The following IDH1 variants were observed in gnomAD, a reference collection of about 807,000 sequenced individuals.
IDH1 encodes isocitrate dehydrogenase [NADP] cytoplasmic.
In IDH1, 33 loss-of-function variants were observed where a neutral mutation model predicts 46.1. The observed-to-expected ratio is 0.72, with a 90% confidence interval of 0.54 to 0.96. IDH1 has a LOEUF of 0.96. Among genes scored for constraint, IDH1 ranks in the 40% least tolerant of loss-of-function variants. The probability of loss-of-function intolerance (pLI) is 0.00; values close to 1 mark genes in which losing one functional copy is unlikely to be tolerated. For missense variants in IDH1, 421 were observed against 515.7 expected (o/e 0.82, Z 1.78); for synonymous variants, 144 against 172.8 (o/e 0.83, Z 1.31).
Position 208,242,053 on chromosome 2 carries a change from C to G in IDH1, c.791G>C (p.Gly264Ala), listed in dbSNP as rs776041038. ...ATAGTTTTTACAGGCCCAGATGAAG[C>G]CTCCCTCTGATTTCATAGCTTGGGC... is the stretch of plus-strand genomic sequence containing the variant. ...MVAQAMKSEG[G>A]FIWACKNYDG... The change falls in exon 7 of 10, where the codon GGC becomes GCC. Residue 264 changes from glycine to alanine, a missense_variant. Transcript: ENST00000345146. 3.1e-6 allele frequency: 5 copies of G among 1,613,240 alleles called. No homozygotes were observed. Among genetic ancestry groups the G allele is most frequent in the Admixed American group, 1.7e-5 (1 of 60,014 alleles).
At chr2:208,244,496 C>G (rs1687981061) in intron 5 of IDH1, among the ~76,000 whole-genome samples, 1 of 152,202 alleles carries the variant, frequency 6.6e-6, no homozygotes, top group South Asian at 2.1e-4. Context: ...ATACTGAGCA[C>G]TCCTACTGTA....
intron 7 of IDH1, among the ~76,000 whole-genome samples, chr2:208,240,954 A>G (rs1687906356): frequency 6.6e-6 from 1 of 152,198 alleles, no homozygotes; most frequent in African/African-American, 2.4e-5. Flanking sequence ...GATGTTTAAC[A>G]CTGATAAGAG....
intron 1 of IDH1, 149 bp from the exon 2 acceptor site, chr2:208,254,108 C>A (rs908771380): frequency 6.6e-6 from 1 of 152,230 alleles, no homozygotes; most frequent in South Asian, 2.1e-4. Context: ...ATTTTAGGCC[C>A]GCAGGCACTT....
intron 8 of IDH1, among the ~76,000 whole-genome samples, chr2:208,239,491 T>G (rs930872412): frequency 2.6e-5 from 4 of 152,236 alleles, no homozygotes; most frequent in Non-Finnish European, 5.9e-5. Context: ...TCACAATCTC[T>G]TCTATCTCTT....
chr2:208,251,094 A>G (rs1688113759), intron 3 of IDH1, among the ~76,000 whole-genome samples: 1 of 152,220 alleles, frequency 6.6e-6, no homozygotes, highest in Non-Finnish European at 1.5e-5. Context: ...TTTTTCTAGC[A>G]GTATGTTAAA....
chr2:208,251,375 T>C, intron 3 of IDH1, 55 bp downstream of exon 3: 8 of 1,604,286 alleles, frequency 5.0e-6, no homozygotes, highest in South Asian at 1.1e-5. Flanking sequence ...TGCACCACCA[T>C]GCCCAGCCAG....
In IDH1 at chr2:208,245,429, G is replaced by C. The variant is rs2124857728; in HGVS notation, c.415-5C>G. 2 of 1,532,676 alleles carry C rather than the reference G, an allele frequency of 1.3e-6. No individual in the cohort carries two copies. The highest frequency in any genetic ancestry group is 1.8e-6 in the Non-Finnish European group (2 of 1,107,140). 94.9% of individuals were successfully genotyped at this position (1,532,676 alleles called of 1,614,324 possible). A position where few individuals can be genotyped will look rare whatever the true frequency, so the allele number is the denominator to read the frequency against. On this transcript the variant is annotated splice_polypyrimidine_tract_variant and splice_region_variant and intron_variant, in intron 4 of 9. Coordinates refer to ENST00000345146, the MANE Select transcript of IDH1 (RefSeq NM_005896.4). ...AACAAAATCAGTTGCTCTGTACTGT[G>C]TAGAGGGGAAAAAGGTATAAAGAAA...
intron 3 of IDH1, 101 bp downstream of exon 3, chr2:208,251,316 TTGAGGGATCCTCC>T: frequency 9.1e-7 from 1 of 1,093,416 alleles, no homozygotes; most frequent in Non-Finnish European, 1.4e-6. Context: ...ATTCCTGGTC[TTGAGGGATCCTCC>T]TGCCTCTGCC....
In IDH1 at chr2:208,253,596, G is replaced by A. The variant is rs12621845; in HGVS notation, c.-17+290C>T. On this transcript the variant is annotated intron_variant, in intron 2 of 9. Coordinates refer to ENST00000345146, the MANE Select transcript of IDH1 (RefSeq NM_005896.4). Reference sequence around the variant, plus strand: ...AATAAACCTGGAATAACAATACAGAGTAGTTTAATGAAAAAAAAGAGCCAT... The same window carrying A: ...AATAAACCTGGAATAACAATACAGAATAGTTTAATGAAAAAAAAGAGCCAT... 6.6e-5 allele frequency among the ~76,000 whole-genome samples: 10 copies of A among 152,106 alleles called. No individual in the cohort carries two copies. The East Asian group carries it at 1.7e-3, about 26-fold the overall frequency.
intron 4 of IDH1, chr2:208,247,559 C>T (rs1445229310): frequency 6.6e-6 from 1 of 152,338 alleles, no homozygotes; most frequent in Non-Finnish European, 1.5e-5. Context: ...CCTCAGCCTT[C>T]CAAGTAGCTG....
At chr2:208,244,316 A>G (rs1687977693) in intron 5 of IDH1, among the ~76,000 whole-genome samples, 1 of 152,148 alleles carries the variant, frequency 6.6e-6, no homozygotes, top group African/African-American at 2.4e-5. Flanking sequence ...TTTTCTTTAT[A>G]ACTTACGCAG....
intron 8 of IDH1, among the ~76,000 whole-genome samples, chr2:208,239,502 G>T (rs1440513376): frequency 6.6e-6 from 1 of 152,132 alleles, no homozygotes; most frequent in Non-Finnish European, 1.5e-5. Context: ...TCTATCTCTT[G>T]TCTATATTGG....
intron 9 of IDH1, among the ~76,000 whole-genome samples, chr2:208,238,295 A>T (rs1478558972): frequency 6.6e-6 from 1 of 152,168 alleles, no homozygotes; most frequent in African/African-American, 2.4e-5. Flanking sequence ...TCGGCCTCCC[A>T]AAGTGCTAGG....
rs1248089921 is a variant in IDH1, at chr2:208,239,975, G to T, written c.879C>A (p.Ser293Arg). ...TCTTGCCATCTGGACAAACCAGCAC[G>T]CTGGTCATCATGCCGAGAGAGCCAT... ...QGYGSLGMMTSVLVCPDGKTV... is the reference protein window; with the variant it reads ...QGYGSLGMMTRVLVCPDGKTV... The change falls in exon 8 of 10, where the codon AGC (serine) becomes AGA (arginine). Residue 293 changes from serine (S) to arginine (R), a missense_variant. Coordinates refer to ENST00000345146, the MANE Select transcript of IDH1 (RefSeq NM_005896.4). The T allele has an allele frequency of 6.2e-7, 1 of 1,614,134 alleles. No homozygotes were observed. The highest frequency in any genetic ancestry group is 8.5e-7 in the Non-Finnish European group (1 of 1,180,012).
intron 4 of IDH1, 70 bp downstream of exon 4, chr2:208,248,299 T>A (rs2124862228): frequency 7.1e-7 from 1 of 1,404,062 alleles, no homozygotes; most frequent in Non-Finnish European, 1.0e-6. Context: ...ATAAAACACA[T>A]ACAAGTTGGA....
intron 5 of IDH1, among the ~76,000 whole-genome samples, chr2:208,244,923 A>G (rs1047118531): frequency 6.6e-6 from 1 of 152,240 alleles, no homozygotes; most frequent in Non-Finnish European, 1.5e-5. Context: ...GCAAATATAT[A>G]AGGAAACCTC....
chr2:208,242,524 A>C (rs986229052), intron 6 of IDH1, among the ~76,000 whole-genome samples: 1 of 152,228 alleles, frequency 6.6e-6, no homozygotes, highest in Non-Finnish European at 1.5e-5. Flanking sequence ...GGTGTCATTC[A>C]GGAAACTAAA....
intron 7 of IDH1, among the ~76,000 whole-genome samples, chr2:208,240,700 A>G (rs938505095): frequency 6.6e-6 from 1 of 152,160 alleles, no homozygotes; most frequent in Non-Finnish European, 1.5e-5. Flanking sequence ...TACAACTCTT[A>G]TATCTATATA....
chr2:208,239,020 G>A, intron 9 of IDH1, 51 bp downstream of exon 9: 1 of 1,495,608 alleles, frequency 6.7e-7, no homozygotes, highest in East Asian at 2.3e-5. Flanking sequence ...TCTGAGCCCA[G>A]TGAGGATAAG....
Sources: allele counts gnomAD v4.1 joint callset (sites outside exome capture counted in the v4.1 genomes callset), GRCh38; gene constraint gnomAD v4.1.1; transcripts MANE v1.5; gene names NCBI Gene and HGNC (gene_info 2026-07-23, HGNC 2026-07-21).